EXOC6B: variants seen among roughly 807,000 people sequenced by gnomAD.
The protein encoded by EXOC6B is SEC15 homolog B.
Under a neutral mutation model 113.5 loss-of-function variants are expected in EXOC6B, and 54 were observed. The ratio of observed to expected loss-of-function variants is 0.48; its 90% CI spans 0.38 to 0.60. The LOEUF is 0.60. EXOC6B is among the 20% of genes least tolerant of loss of function. The pLI, the probability that EXOC6B is intolerant of heterozygous loss-of-function variation, is 0.00. For synonymous variants in EXOC6B, 357 were observed against 339.0 expected (o/e 1.05, Z -0.58); for missense variants, 797 against 977.5 (o/e 0.82, Z 2.46).
At chr2:72,367,047 T>C (rs1021007072) in intron 19 of EXOC6B, among the ~76,000 whole-genome samples, 7 of 152,084 alleles carry the variant, frequency 4.6e-5, no homozygotes, top group Non-Finnish European at 1.0e-4. Context: ...TTCTAGACAT[T>C]TTATAAAATA....
At chr2:72,751,790 A>C (rs1682059474) in intron 1 of EXOC6B, among the ~76,000 whole-genome samples, 1 of 152,086 alleles carries the variant, frequency 6.6e-6, no homozygotes, top group Admixed American at 6.6e-5. Flanking sequence ...CTCCAGTAAG[A>C]AATAAGAGGC....
rs755150004 is a variant in EXOC6B, at chr2:72,239,171, G to A, written c.2197-54984C>T. Among the ~76,000 whole-genome samples, 12 of 152,316 alleles carry A rather than the reference G, an allele frequency of 7.9e-5. 1 individual carries two copies. The highest frequency in any genetic ancestry group is 4.1e-4 in the South Asian group (2 of 4,828). On this transcript the variant is annotated intron_variant, in intron 20 of 21. Coordinates refer to ENST00000272427, the MANE Select transcript of EXOC6B (RefSeq NM_015189.3). ...CTCTCAAAGTGCTGGGATTATGAGC[G>A]TGAGCCACTGTGCGTGGCGTGTTTT...
intron 18 of EXOC6B, among the ~76,000 whole-genome samples, chr2:72,451,500 T>C (rs1275094877): frequency 6.6e-6 from 1 of 152,198 alleles, no homozygotes; most frequent in African/African-American, 2.4e-5. Context: ...CGGTAAATCA[T>C]TCAATTGCAG....
intron 20 of EXOC6B, among the ~76,000 whole-genome samples, chr2:72,273,800 AG>A (rs1453373801): frequency 6.6e-6 from 1 of 152,124 alleles, no homozygotes; most frequent in Non-Finnish European, 1.5e-5. Context: ...AGTTTTAAGC[AG>A]AGGAATGATC....
intron 2 of EXOC6B, among the ~76,000 whole-genome samples, chr2:72,736,916 T>C (rs1406756595): frequency 6.6e-6 from 1 of 151,278 alleles, no homozygotes; most frequent in African/African-American, 2.5e-5. Context: ...TCACAGGTCC[T>C]GGCAGGAAAC....
At chr2:72,500,054 C>T (rs1315894690) in intron 11 of EXOC6B, 82 bp from the exon 12 acceptor site, 20 of 939,942 alleles carry the variant, frequency 2.1e-5, no homozygotes, top group East Asian at 1.1e-4. Context: ...AATTGTTTAG[C>T]GCTTTATCTG....
At chr2:72,374,633 A>G (rs1443961869) in intron 19 of EXOC6B, among the ~76,000 whole-genome samples, 5 of 151,976 alleles carry the variant, frequency 3.3e-5, no homozygotes, top group Non-Finnish European at 7.4e-5. Context: ...TTAGCACAAC[A>G]GGGTGGCAAT....
rs140061429 is a variant in EXOC6B, at chr2:72,457,720, T to C, written c.1980+7440A>G. On this transcript the variant is annotated intron_variant, in intron 18 of 21. Coordinates refer to ENST00000272427, the MANE Select transcript of EXOC6B (RefSeq NM_015189.3). ...TGAAGTCTGAAAAAAAATGTCTGTGTACTTACTTCATCTGTTAACTCAAGG... is the reference window on the plus strand; with the variant it reads ...TGAAGTCTGAAAAAAAATGTCTGTGCACTTACTTCATCTGTTAACTCAAGG... 2.9e-4 allele frequency among the ~76,000 whole-genome samples: 44 copies of C among 152,272 alleles called. No homozygotes were observed. The East Asian group carries it at 6.7e-3, about 23-fold the overall frequency.
intron 6 of EXOC6B, among the ~76,000 whole-genome samples, chr2:72,645,421 A>G (rs1673632799): frequency 6.6e-6 from 1 of 152,218 alleles, no homozygotes; most frequent in South Asian, 2.1e-4. Context: ...AATTGAACTC[A>G]GCTCTGCACC....
chr2:72,366,384 C>T (rs1375435586), intron 19 of EXOC6B, among the ~76,000 whole-genome samples: 1 of 150,938 alleles, frequency 6.6e-6, no homozygotes, highest in Non-Finnish European at 1.5e-5. Context: ...CAATAGAAAG[C>T]ATCCAAAATG....
chr2:72,731,895 T>A (rs537543306), intron 3 of EXOC6B, among the ~76,000 whole-genome samples: 57 of 152,258 alleles, frequency 3.7e-4, no homozygotes, highest in Middle Eastern at 3.4e-3. Context: ...TATTAGGTGA[T>A]AAGAAAGAAG....
intron 18 of EXOC6B, among the ~76,000 whole-genome samples, chr2:72,386,150 A>G (rs560578497): frequency 1.3e-5 from 2 of 152,198 alleles, no homozygotes; most frequent in East Asian, 3.9e-4. Context: ...AAAATCTGCT[A>G]TATATATACA....
At position 72,812,713 on chromosome 2, in the gene EXOC6B, T is replaced by G. The variant is rs867359348; in HGVS notation, c.113+13085A>C. Among the ~76,000 whole-genome samples, 3 of 151,730 alleles carry G rather than the reference T, an allele frequency of 2.0e-5. No individual in the cohort carries two copies. The South Asian group carries it at 6.2e-4, about 31-fold the overall frequency. On this transcript the variant is annotated intron_variant, in intron 1 of 21. Transcript: ENST00000272427. ...CTCTAAAAAATAAATAAATAAAAATTTATAGAAAATTTTATATAAAAAGGC... is the reference window on the plus strand; with the variant it reads ...CTCTAAAAAATAAATAAATAAAAATGTATAGAAAATTTTATATAAAAAGGC...
chr2:72,284,248 C>G (rs527950007), intron 20 of EXOC6B, among the ~76,000 whole-genome samples: 1 of 152,022 alleles, frequency 6.6e-6, no homozygotes, highest in Admixed American at 6.6e-5. Context: ...CAAATCAAAT[C>G]CAACAATGTA....
chr2:72,772,766 G>C (rs1558990198), intron 1 of EXOC6B, among the ~76,000 whole-genome samples: 1 of 152,152 alleles, frequency 6.6e-6, no homozygotes, highest in Non-Finnish European at 1.5e-5. Flanking sequence ...TTCTGAGTAG[G>C]CTGACTGGGT....
chr2:72,775,858 T>A (rs180823552), intron 1 of EXOC6B, among the ~76,000 whole-genome samples: 152 of 152,278 alleles, frequency 1.0e-3, no homozygotes, highest in African/African-American at 3.5e-3. Flanking sequence ...CATACCTACA[T>A]GAGATAAAAT....
chr2:72,808,061 A>T (rs1685677835), intron 1 of EXOC6B, among the ~76,000 whole-genome samples: 1 of 152,328 alleles, frequency 6.6e-6, no homozygotes, highest in African/African-American at 2.4e-5. Flanking sequence ...AACATCTCCT[A>T]TAGCCCATAA....
intron 1 of EXOC6B, among the ~76,000 whole-genome samples, chr2:72,792,259 G>A (rs1186892522): frequency 3.3e-5 from 5 of 152,204 alleles, no homozygotes; most frequent in African/African-American, 9.6e-5. Flanking sequence ...ATATAGAACC[G>A]TGAACCCTTT....
intron 18 of EXOC6B, among the ~76,000 whole-genome samples, chr2:72,402,417 C>T (rs1693399559): frequency 6.6e-6 from 1 of 152,012 alleles, no homozygotes. Flanking sequence ...TTATATTTTC[C>T]CATGAATTCA....
Sources: allele counts gnomAD v4.1 joint callset (sites outside exome capture counted in the v4.1 genomes callset), GRCh38; gene constraint gnomAD v4.1.1; transcripts MANE v1.5; gene names NCBI Gene and HGNC (gene_info 2026-07-23, HGNC 2026-07-21).